DGLUCY: variants seen among roughly 807,000 people sequenced by gnomAD.
DGLUCY encodes the protein D-glutamate cyclase, mitochondrial.
DGLUCY carries 58 observed loss-of-function variants against 58.5 expected under a neutral mutation model. The observed-to-expected ratio is 0.99, with a 90% CI of 0.80 to 1.23. DGLUCY has a LOEUF of 1.23. DGLUCY is among the 50% of genes most tolerant of loss of function. The pLI is 0.00. For missense variants in DGLUCY, 779 were observed against 784.7 expected (o/e 0.99, Z 0.09); for synonymous variants, 325 against 314.1 (o/e 1.03, Z -0.37).
At chr14:91,213,691 A>ATTGTTTGTTTGTTTGT (rs60700798) in intron 12 of DGLUCY, among the ~76,000 whole-genome samples, 12,386 of 150,132 alleles carry the variant, frequency 0.083, 559 homozygotes, top group Admixed American at 0.11. Context: ...TTCACTGAAG[A>ATTGTTTGTTTGTTTGT]TTGTTTGTTT....
intron 13 of DGLUCY, among the ~76,000 whole-genome samples, chr14:91,217,783 C>T (rs965522855): frequency 6.6e-5 from 10 of 152,026 alleles, no homozygotes; most frequent in South Asian, 2.1e-4. Context: ...CCACCACGCC[C>T]GGCCTCTTTT....
intron 1 of DGLUCY, among the ~76,000 whole-genome samples, chr14:91,148,241 A>G (rs1488445240): frequency 6.6e-6 from 1 of 151,270 alleles, no homozygotes; most frequent in Non-Finnish European, 1.5e-5. Context: ...ATCTCTCTCC[A>G]TCACCCAGGC....
chr14:91,176,069 A>G lies in DGLUCY; in HGVS notation c.730+13A>G. On this transcript the variant is annotated intron_variant, in intron 7 of 13. Coordinates refer to ENST00000256324, the MANE Select transcript of DGLUCY (RefSeq NM_001102368.3). Reference sequence around the variant, plus strand: ...GTCAGCAGCTGTGGTACGTTGGGGGATAATGGGACAATCGATCTGCCCTAG... The same window carrying G: ...GTCAGCAGCTGTGGTACGTTGGGGGGTAATGGGACAATCGATCTGCCCTAG... The G allele has an allele frequency of 6.2e-7, 1 of 1,613,304 alleles. No individual in the cohort carries two copies. The highest frequency in any genetic ancestry group is 1.7e-5 in the Admixed American group (1 of 59,970).
intron 1 of DGLUCY, among the ~76,000 whole-genome samples, chr14:91,141,039 G>A (rs185449396): frequency 2.9e-4 from 44 of 152,210 alleles, no homozygotes; most frequent in African/African-American, 8.9e-4. Context: ...GAGTTTGTCT[G>A]TTATTTCTTG....
At chr14:91,205,754 C>CTTTTCTTCTTCT (rs1555406030) in intron 12 of DGLUCY, among the ~76,000 whole-genome samples, 48 of 129,830 alleles carry the variant, frequency 3.7e-4, no homozygotes, top group African/African-American at 1.4e-3. Context: ...CCAGGGCATT[C>CTTTTCTTCTTCT]TCTTCTTCTT....
intron 1 of DGLUCY, among the ~76,000 whole-genome samples, chr14:91,090,894 C>A (rs969523723): frequency 6.6e-6 from 1 of 152,194 alleles, no homozygotes; most frequent in Non-Finnish European, 1.5e-5. Context: ...TCCTGCAGGG[C>A]GAATCCACCC....
chr14:91,081,954 C>T (rs1039547544), intron 1 of DGLUCY, among the ~76,000 whole-genome samples: 1 of 152,050 alleles, frequency 6.6e-6, no homozygotes, highest in African/African-American at 2.4e-5. Flanking sequence ...CTCTTTGACC[C>T]TCCTGTCGTC....
intron 10 of DGLUCY, among the ~76,000 whole-genome samples, chr14:91,197,098 C>G (rs2050266544): frequency 6.6e-6 from 1 of 152,162 alleles, no homozygotes; most frequent in African/African-American, 2.4e-5. Context: ...TCCCAAGTAG[C>G]TGGGATTACA....
Position 91,162,556 on chromosome 14 carries a change from G to A in DGLUCY, c.103+2159G>A, listed in dbSNP as rs1199595094. ...ACTTTTCTGTTCATCTCCAGCTGTGGAGATGAACAAAACCAAAACAAAACC... is the reference window on the plus strand; with the variant it reads ...ACTTTTCTGTTCATCTCCAGCTGTGAAGATGAACAAAACCAAAACAAAACC... On this transcript the variant is annotated intron_variant, in intron 3 of 13. Transcript: ENST00000256324. 2.6e-5 allele frequency among the ~76,000 whole-genome samples: 4 copies of A among 152,050 alleles called. 1 individual carries two copies. The South Asian group carries it at 6.2e-4, about 24-fold the overall frequency.
At chr14:91,195,025 G>T (rs2050119446) in intron 9 of DGLUCY, among the ~76,000 whole-genome samples, 1 of 152,176 alleles carries the variant, frequency 6.6e-6, no homozygotes, top group Non-Finnish European at 1.5e-5. Context: ...TTTAACATGG[G>T]TACGGTGCCT....
chr14:91,125,403 G>C (rs2045613815), intron 1 of DGLUCY: 1 of 152,266 alleles, frequency 6.6e-6, no homozygotes, highest in South Asian at 2.1e-4. Context: ...CCCAGAGATA[G>C]ATCTGTGTTT....
In DGLUCY at chr14:91,193,715, G is replaced by A. The variant is rs192316516; in HGVS notation, c.1196-2660G>A. Among the ~76,000 whole-genome samples the A allele has an allele frequency of 7.5e-3, 1,137 of 152,104 alleles. 7 individuals carry two copies. The highest frequency in any genetic ancestry group is 0.012 in the Non-Finnish European group (796 of 68,008). The stretch of plus-strand genomic sequence containing the variant: ...AAATTAGCTGCGTGTGGTGGCACGC[G>A]CCTGTAGTCCTAGCTACTAGGGAGG... On this transcript the variant is annotated intron_variant, in intron 9 of 13. Transcript: ENST00000256324.
In DGLUCY at chr14:91,083,709, G is replaced by A. The variant is rs531645379; in HGVS notation, c.-82+23005G>A. ...ACTTGAGAACAGAGATGCCAGCAAT[G>A]TTTTTCTGGTTTTTTTTTAATAATG... On this transcript the variant is annotated intron_variant, in intron 1 of 4. Transcript: ENST00000521334. Among the ~76,000 whole-genome samples the A allele has an allele frequency of 2.6e-5, 4 of 152,100 alleles. 1 individual carries two copies. Among genetic ancestry groups the A allele is most frequent in the African/African-American group, 9.6e-5 (4 of 41,490 alleles).
At chr14:91,186,045 C>T (rs1309040681) in intron 8 of DGLUCY, among the ~76,000 whole-genome samples, 1 of 152,078 alleles carries the variant, frequency 6.6e-6, no homozygotes, top group Non-Finnish European at 1.5e-5. Context: ...TGTTGGCTTG[C>T]ATTTGAGGTG....
chr14:91,169,935 C>G lies in DGLUCY; in HGVS notation c.258-68C>G, dbSNP rs1266241433. On this transcript the variant is annotated intron_variant, in intron 4 of 13. Coordinates refer to ENST00000256324, the MANE Select transcript of DGLUCY (RefSeq NM_001102368.3). ...ATCCTCTTCTCTCTCCGCAGTCCTT[C>G]TATAATGTATTATCAGGGGCCACAG... 7 of 1,498,718 alleles carry G rather than the reference C, an allele frequency of 4.7e-6. No individual in the cohort carries two copies. The East Asian group carries it at 1.4e-4, about 29-fold the overall frequency. 92.8% of individuals were successfully genotyped at this position (1,498,718 alleles called of 1,614,324 possible).
chr14:91,147,390 T>C (rs904073267), intron 1 of DGLUCY, among the ~76,000 whole-genome samples: 1 of 152,170 alleles, frequency 6.6e-6, no homozygotes, highest in Admixed American at 6.6e-5. Flanking sequence ...ACGTCTGATA[T>C]GGTGGTTTTC....
intron 1 of DGLUCY, among the ~76,000 whole-genome samples, chr14:91,092,421 G>A (rs1306628306): frequency 6.6e-6 from 1 of 152,154 alleles, no homozygotes; most frequent in Admixed American, 6.5e-5. Flanking sequence ...ATGCTAGTGG[G>A]TTCTAATCTT....
intron 12 of DGLUCY, among the ~76,000 whole-genome samples, chr14:91,207,161 G>GAAAAAAAAAAAAA (rs56355078): frequency 5.9e-5 from 5 of 85,336 alleles, no homozygotes; most frequent in African/African-American, 1.8e-4. Context: ...ACTGTCTCAG[G>GAAAAAAAAAAAAA]AAAAAAAAAA....
chr14:91,111,084 G>C (rs1165842177), upstream of DGLUCY, among the ~76,000 whole-genome samples: 7 of 151,982 alleles, frequency 4.6e-5, no homozygotes, highest in Non-Finnish European at 1.0e-4. Context: ...CCATTAATAG[G>C]GTGGCTTATA....
Sources: gnomAD v4.1 joint callset for allele counts (sites outside exome capture counted in the v4.1 genomes callset) on GRCh38, gnomAD v4.1.1 for gene constraint, MANE v1.5 for transcripts, NCBI Gene and HGNC (gene_info 2026-07-23, HGNC 2026-07-21) for gene names.